Variants in RHEB observed in about 807,000 individuals in gnomAD.
The protein encoded by RHEB is Ras homolog, mTORC1 binding.
RHEB carries 2 observed loss-of-function variants against 28.8 expected under a neutral mutation model. That is an observed-to-expected ratio of 0.07 (90% confidence interval 0.03 to 0.22). The LOEUF is 0.22. Ranked by LOEUF, RHEB falls within the 10% of genes least tolerant of loss-of-function variation. The pLI is 1.00. For missense variants in RHEB, 76 were observed against 219.9 expected (o/e 0.35, Z 4.14); for synonymous variants, 69 against 77.3 (o/e 0.89, Z 0.56).
At position 151,473,099 on chromosome 7, in the gene RHEB, G is replaced by A. The variant is rs571443669; in HGVS notation, c.276-1494C>T. On this transcript the variant is annotated intron_variant, in intron 4 of 7. Coordinates refer to ENST00000262187, the MANE Select transcript of RHEB (RefSeq NM_005614.4). ...TGGCCACACTGTGTGTCATCTCCCTGCATGGACCTAGTGACGTGCGTCTAA... is the reference window on the plus strand; with the variant it reads ...TGGCCACACTGTGTGTCATCTCCCTACATGGACCTAGTGACGTGCGTCTAA... 2.0e-5 allele frequency among the ~76,000 whole-genome samples: 3 copies of A among 152,350 alleles called. 1 individual carries two copies. The highest frequency in any genetic ancestry group is 4.4e-5 in the Non-Finnish European group (3 of 68,036).
At chr7:151,492,120 C>G (rs1348638085) in intron 1 of RHEB, among the ~76,000 whole-genome samples, 1 of 152,186 alleles carries the variant, frequency 6.6e-6, no homozygotes, top group Admixed American at 6.5e-5. Flanking sequence ...TACACACATG[C>G]TGTATATGCC....
At chr7:151,471,743 C>T in intron 4 of RHEB, 138 bp from the exon 5 acceptor site, 1 of 626,902 alleles carries the variant, frequency 1.6e-6, no homozygotes, top group Non-Finnish European at 2.8e-6. Flanking sequence ...ACAAAGAACT[C>T]CTGTTTTTTC....
intron 1 of RHEB, among the ~76,000 whole-genome samples, chr7:151,499,584 A>G (rs1029471298): frequency 6.6e-6 from 1 of 152,240 alleles, no homozygotes; most frequent in African/African-American, 2.4e-5. Context: ...CATATTCAGT[A>G]AACAGTTATT....
At chr7:151,479,221 C>A (rs1802327674) in intron 3 of RHEB, among the ~76,000 whole-genome samples, 1 of 152,070 alleles carries the variant, frequency 6.6e-6, no homozygotes, top group Non-Finnish European at 1.5e-5. Context: ...CCAAAAGTAA[C>A]CCTCAACTGA....
intron 3 of RHEB, among the ~76,000 whole-genome samples, chr7:151,483,673 T>C (rs1019543788): frequency 2.0e-5 from 3 of 152,164 alleles, no homozygotes; most frequent in African/African-American, 7.2e-5. Flanking sequence ...ATAGCACCAC[T>C]GCCTTCCAGC....
rs927189147 is a variant in RHEB at position 151,519,794 on chromosome 7, G to T, written c.-283C>A. The T allele has an allele frequency of 6.5e-6, 2 of 308,870 alleles. No homozygotes were observed. Among genetic ancestry groups the T allele is most frequent in the Admixed American group, 5.0e-5 (1 of 19,804 alleles). The allele number at this position is 308,870 out of a possible 1,614,324, so 19.1% of individuals were successfully genotyped here. A position where few individuals can be genotyped will look rare whatever the true frequency, so the allele number is the denominator to read the frequency against. ...CGCCTCCGCCCCCCGAAATACGCGG[G>T]GGGTGCGTCGGGGCGACGTTTTACT... On this transcript the variant is annotated 5_prime_UTR_variant, in exon 1 of 8. Transcript: ENST00000262187.
chr7:151,502,984 CG>C, intron 1 of RHEB: 1 of 783,716 alleles, frequency 1.3e-6, no homozygotes, highest in Non-Finnish European at 2.4e-6. Flanking sequence ...AAGTCCTCTC[CG>C]AAGTGAAATT....
At chr7:151,487,845 T>C (rs1275292351) in intron 2 of RHEB, among the ~76,000 whole-genome samples, 3 of 152,190 alleles carry the variant, frequency 2.0e-5, no homozygotes, top group Non-Finnish European at 4.4e-5. Flanking sequence ...TTCTCCTAAG[T>C]AGACTAATAG....
At chr7:151,486,226 T>G (rs1802471506) in intron 2 of RHEB, among the ~76,000 whole-genome samples, 1 of 152,182 alleles carries the variant, frequency 6.6e-6, no homozygotes, top group Admixed American at 6.5e-5. Flanking sequence ...TGGTGAGCAA[T>G]AAAACCAGTG....
At chr7:151,519,230 CT>C (rs911984513) in intron 1 of RHEB, 2 of 196,764 alleles carry the variant, frequency 1.0e-5, no homozygotes, top group African/African-American at 4.7e-5. Context: ...CGGCCGCCAC[CT>C]GCCCGCCCGG....
chr7:151,503,456 A>T, intron 1 of RHEB: 1 of 1,152,030 alleles, frequency 8.7e-7, no homozygotes. Flanking sequence ...TTTGACCTTG[A>T]TGACTAGACA....
intron 3 of RHEB, among the ~76,000 whole-genome samples, chr7:151,483,346 GA>G (rs550156095): frequency 4.3e-4 from 66 of 152,238 alleles, no homozygotes; most frequent in Middle Eastern, 3.4e-3. Flanking sequence ...CCAGATTCCA[GA>G]AAAATAGCCC....
chr7:151,511,023 T>G (rs1389476507), intron 1 of RHEB, among the ~76,000 whole-genome samples: 1 of 151,762 alleles, frequency 6.6e-6, no homozygotes, highest in East Asian at 1.9e-4. Context: ...AGCTGCAGTG[T>G]GCCGAGATCG....
intron 1 of RHEB, among the ~76,000 whole-genome samples, chr7:151,505,174 A>C (rs1025861634): frequency 1.3e-5 from 2 of 152,062 alleles, no homozygotes; most frequent in Admixed American, 6.5e-5. Flanking sequence ...CAAAACAAAA[A>C]AAAAAACGAA....
At chr7:151,514,595 G>GA (rs1283868010) in intron 1 of RHEB, among the ~76,000 whole-genome samples, 1 of 152,122 alleles carries the variant, frequency 6.6e-6, no homozygotes, top group African/African-American at 2.4e-5. Flanking sequence ...AGCTGTTCTG[G>GA]AAAAAATCTG....
chr7:151,517,539 G>A (rs1264512237), intron 1 of RHEB, among the ~76,000 whole-genome samples: 2 of 151,844 alleles, frequency 1.3e-5, no homozygotes, highest in East Asian at 1.9e-4. Flanking sequence ...GTATCCCACC[G>A]GAGACTAAGT....
intron 1 of RHEB, among the ~76,000 whole-genome samples, chr7:151,518,281 A>G (rs1319857732): frequency 6.6e-6 from 1 of 152,198 alleles, no homozygotes; most frequent in African/African-American, 2.4e-5. Context: ...TTGGTCAAAG[A>G]GCACAGACCC....
At chr7:151,484,194 T>C (rs558299715) in intron 3 of RHEB, among the ~76,000 whole-genome samples, 8 of 152,226 alleles carry the variant, frequency 5.3e-5, no homozygotes, top group Non-Finnish European at 1.0e-4. Context: ...GCCCCTCTTA[T>C]GCCTTTCCTC....
chr7:151,505,976 G>C (rs565778260), intron 1 of RHEB, among the ~76,000 whole-genome samples: 1 of 152,092 alleles, frequency 6.6e-6, no homozygotes, highest in Non-Finnish European at 1.5e-5. Context: ...GTGCTTCCCG[G>C]GGAGCTGGGG....
Sources: allele counts gnomAD v4.1 joint callset (sites outside exome capture counted in the v4.1 genomes callset), GRCh38; gene constraint gnomAD v4.1.1; transcripts MANE v1.5; gene names NCBI Gene and HGNC (gene_info 2026-07-23, HGNC 2026-07-21).